Variants in MYO16 observed in about 807,000 individuals in gnomAD.
MYO16 encodes myosin XVI.
Under a neutral mutation model 205.3 loss-of-function variants are expected in MYO16, and 94 were observed. The observed-to-expected ratio is 0.46, with a 90% confidence interval of 0.39 to 0.54. The LOEUF is 0.54. Ranked by LOEUF, MYO16 falls within the 20% of genes least tolerant of loss-of-function variation. The pLI, the probability that MYO16 is intolerant of heterozygous loss-of-function variation, is 0.00. For missense variants in MYO16, 2,315 were observed against 2,387.5 expected (o/e 0.97, Z 0.63); for synonymous variants, 988 against 954.0 (o/e 1.04, Z -0.66).
At chr13:108,829,687 G>T (rs946494837) in intron 9 of MYO16, among the ~76,000 whole-genome samples, 1 of 152,206 alleles carries the variant, frequency 6.6e-6, no homozygotes. Flanking sequence ...AAAAGGGACT[G>T]CTTGGAGTTG....
At chr13:109,157,652 G>C (rs1878136049) in intron 32 of MYO16, among the ~76,000 whole-genome samples, 3 of 152,124 alleles carry the variant, frequency 2.0e-5, no homozygotes, top group African/African-American at 7.2e-5. Context: ...GTCCCCCTTA[G>C]AGCTGAGTCA....
intron 23 of MYO16, among the ~76,000 whole-genome samples, chr13:109,022,731 A>ATAAATT (rs1555325091): frequency 9.6e-6 from 1 of 104,340 alleles, no homozygotes; most frequent in African/African-American, 3.8e-5. Context: ...AAACATATGT[A>ATAAATT]TATATTATAT....
intron 10 of MYO16, among the ~76,000 whole-genome samples, chr13:108,854,188 G>A (rs1878050464): frequency 6.6e-6 from 1 of 151,896 alleles, no homozygotes; most frequent in Admixed American, 6.6e-5. Context: ...GTAGAGGTGA[G>A]GTTTCGCCGC....
At chr13:109,161,279 A>G (rs188720716) in intron 32 of MYO16, among the ~76,000 whole-genome samples, 93 of 152,350 alleles carry the variant, frequency 6.1e-4, no homozygotes, top group Non-Finnish European at 2.6e-4. Flanking sequence ...AGAAGCTCCC[A>G]TATCCTATCC....
chr13:109,109,288 A>G (rs1340434052), intron 28 of MYO16, among the ~76,000 whole-genome samples: 2 of 152,202 alleles, frequency 1.3e-5, no homozygotes, highest in Non-Finnish European at 2.9e-5. Context: ...TTTTCTTCTC[A>G]AGAACCAGTT....
intron 16 of MYO16, among the ~76,000 whole-genome samples, chr13:108,932,562 G>A (rs1023113573): frequency 3.9e-5 from 6 of 152,266 alleles, no homozygotes; most frequent in African/African-American, 7.2e-5. Flanking sequence ...ATCAGGTGAC[G>A]TGTGCAGTCT....
chr13:109,081,067 A>C (rs1190392165), intron 27 of MYO16, among the ~76,000 whole-genome samples: 1 of 152,088 alleles, frequency 6.6e-6, no homozygotes, highest in East Asian at 1.9e-4. Flanking sequence ...TATTTTATTT[A>C]TATATTATAG....
chr13:108,699,890 G>T (rs1419487166), intron 2 of MYO16, among the ~76,000 whole-genome samples: 1 of 152,070 alleles, frequency 6.6e-6, no homozygotes, highest in Non-Finnish European at 1.5e-5. Flanking sequence ...GGACTCTTCT[G>T]TCAGTTTTTA....
chr13:108,510,479 T>A, the MYO16 span, among the ~76,000 whole-genome samples: 2 of 134,610 alleles, frequency 1.5e-5, no homozygotes, highest in Non-Finnish European at 3.2e-5. Flanking sequence ...TTTTTTTTTT[T>A]TTTTTTATTG....
At chr13:108,742,809 A>G (rs769899241) in intron 4 of MYO16, among the ~76,000 whole-genome samples, 9 of 152,240 alleles carry the variant, frequency 5.9e-5, no homozygotes, top group Non-Finnish European at 1.3e-4. Flanking sequence ...CTTGTAAAAT[A>G]TCCTCAGAAT....
intron 2 of MYO16, among the ~76,000 whole-genome samples, chr13:108,677,585 A>G (rs1882286945): frequency 6.6e-6 from 1 of 151,908 alleles, no homozygotes. Flanking sequence ...GGGGGAAGGA[A>G]GGAATGAATA....
chr13:108,995,050 C>T (rs1401056647), intron 21 of MYO16, among the ~76,000 whole-genome samples: 1 of 152,160 alleles, frequency 6.6e-6, no homozygotes, highest in Admixed American at 6.6e-5. Context: ...AAATTCTGAT[C>T]GCATTTTCTC....
chr13:108,626,380 C>G (rs1879736789), upstream of MYO16, among the ~76,000 whole-genome samples: 1 of 152,124 alleles, frequency 6.6e-6, no homozygotes, highest in South Asian at 2.1e-4. Context: ...CAAAACAATA[C>G]CCTCTTTCGA....
chr13:108,667,697 A>G (rs1402275158), intron 2 of MYO16, among the ~76,000 whole-genome samples: 2 of 152,200 alleles, frequency 1.3e-5, no homozygotes, highest in African/African-American at 4.8e-5. Flanking sequence ...AACTTAAATA[A>G]GAAAGCAGAT....
chr13:109,087,006 A>G (rs1254196794), intron 27 of MYO16, among the ~76,000 whole-genome samples: 1 of 152,222 alleles, frequency 6.6e-6, no homozygotes, highest in African/African-American at 2.4e-5. Flanking sequence ...TTTTGTCTTT[A>G]TAATAAATAT....
the MYO16 span, among the ~76,000 whole-genome samples, chr13:108,547,238 C>T: frequency 1.3e-5 from 2 of 149,944 alleles, no homozygotes; most frequent in Admixed American, 1.3e-4. Flanking sequence ...TGCCACTGCA[C>T]TCCAGCCTGG....
intron 7 of MYO16, among the ~76,000 whole-genome samples, chr13:108,809,807 T>C (rs1178168825): frequency 1.3e-5 from 2 of 152,192 alleles, no homozygotes; most frequent in Admixed American, 1.3e-4. Context: ...CTCACTGGAA[T>C]AGAAAGGGCC....
At chr13:108,917,989 T>C (rs1185885745) in intron 16 of MYO16, among the ~76,000 whole-genome samples, 2 of 152,250 alleles carry the variant, frequency 1.3e-5, no homozygotes, top group Non-Finnish European at 2.9e-5. Context: ...CTGCGGTTGC[T>C]TTGTTAACTA....
chr13:108,749,475 A>T (rs950137052), intron 4 of MYO16, among the ~76,000 whole-genome samples: 9 of 152,362 alleles, frequency 5.9e-5, no homozygotes, highest in African/African-American at 2.2e-4. Context: ...CAGACACCTC[A>T]ACCAAAGAAG....
Sources: gnomAD v4.1 joint callset for allele counts (sites outside exome capture counted in the v4.1 genomes callset) on GRCh38, gnomAD v4.1.1 for gene constraint, MANE v1.5 for transcripts, NCBI Gene and HGNC (gene_info 2026-07-23, HGNC 2026-07-21) for gene names.